PRKG1: variants seen among roughly 807,000 people sequenced by gnomAD.
The protein encoded by PRKG1 is protein kinase cGMP-dependent 1.
PRKG1 carries 35 observed loss-of-function variants against 88.1 expected under a neutral mutation model. That is an observed-to-expected ratio of 0.40 (90% confidence interval 0.30 to 0.53). PRKG1 has a LOEUF of 0.53. PRKG1 is among the 20% of genes least tolerant of loss of function. The pLI is 0.59. For synonymous variants in PRKG1, 303 were observed against 292.5 expected, an observed-to-expected ratio of 1.04 and a Z score of -0.37; for missense variants, 540 against 839.8, an observed-to-expected ratio of 0.64 and a Z score of 4.41.
At chr10:51,997,072 T>C (rs1226787657) in intron 5 of PRKG1, among the ~76,000 whole-genome samples, 1 of 75,560 alleles carries the variant, frequency 1.3e-5, no homozygotes, top group Non-Finnish European at 2.5e-5. Flanking sequence ...AGAGTTGATC[T>C]CATGAAAATA....
intron 5 of PRKG1, among the ~76,000 whole-genome samples, chr10:51,917,938 T>C (rs1173787005): frequency 2.6e-5 from 4 of 152,212 alleles, no homozygotes; most frequent in African/African-American, 9.6e-5. Context: ...ACTTGAGATA[T>C]AAATTCCTTA....
chr10:51,920,350 C>T (rs533979440), intron 5 of PRKG1, among the ~76,000 whole-genome samples: 9 of 152,146 alleles, frequency 5.9e-5, no homozygotes, highest in East Asian at 3.9e-4. Context: ...TATAAGGCCC[C>T]GGGGAGAGAG....
intron 3 of PRKG1, among the ~76,000 whole-genome samples, chr10:51,600,208 C>T (rs142173469): frequency 2.0e-5 from 3 of 152,080 alleles, no homozygotes; most frequent in Non-Finnish European, 2.9e-5. Context: ...AGTATTTATA[C>T]CTCTGCCTTA....
intron 4 of PRKG1, among the ~76,000 whole-genome samples, chr10:51,833,053 A>G (rs1840042295): frequency 1.3e-5 from 2 of 152,142 alleles, no homozygotes; most frequent in South Asian, 4.1e-4. Flanking sequence ...GCCCTTTTCT[A>G]CTTAAATGAT....
chr10:51,115,982 C>T (rs1845114099), intron 1 of PRKG1, among the ~76,000 whole-genome samples: 2 of 152,090 alleles, frequency 1.3e-5, no homozygotes, highest in South Asian at 2.1e-4. Context: ...AGACCGAGTA[C>T]ATGTATAGGC....
chr10:51,165,673 T>C (rs2131997246), intron 2 of PRKG1, among the ~76,000 whole-genome samples: 1 of 152,154 alleles, frequency 6.6e-6, no homozygotes, highest in African/African-American at 2.4e-5. Context: ...GTGACACACA[T>C]AGGCTCAAAA....
intron 4 of PRKG1, among the ~76,000 whole-genome samples, chr10:51,837,764 T>C (rs1329949063): frequency 1.3e-5 from 2 of 152,212 alleles, no homozygotes; most frequent in Non-Finnish European, 1.5e-5. Flanking sequence ...AGACTGTATC[T>C]TTTGTCTCCA....
At chr10:51,252,374 C>T (rs1049626545) in intron 2 of PRKG1, among the ~76,000 whole-genome samples, 5 of 151,542 alleles carry the variant, frequency 3.3e-5, no homozygotes, top group Admixed American at 2.6e-4. Context: ...TATTTTTAAG[C>T]CCAAATATAA....
chr10:51,318,050 T>A (rs1288139382), intron 2 of PRKG1, among the ~76,000 whole-genome samples: 1 of 152,172 alleles, frequency 6.6e-6, no homozygotes, highest in Non-Finnish European at 1.5e-5. Flanking sequence ...GCTTATTTGA[T>A]CCAATAATTG....
chr10:52,081,484 GC>G (rs1282886483), intron 7 of PRKG1: 1 of 428,508 alleles, frequency 2.3e-6, no homozygotes, highest in Non-Finnish European at 4.7e-6. Context: ...ACACCACCTA[GC>G]TAAAAAGTCA....
At chr10:52,129,175 C>G (rs760432066) in intron 7 of PRKG1, among the ~76,000 whole-genome samples, 8 of 152,134 alleles carry the variant, frequency 5.3e-5, no homozygotes, top group Non-Finnish European at 1.5e-5. Context: ...GTGAAATGCC[C>G]GCTAACTTGG....
chr10:51,343,893 C>A (rs1342329626), intron 2 of PRKG1, among the ~76,000 whole-genome samples: 1 of 152,136 alleles, frequency 6.6e-6, no homozygotes, highest in African/African-American at 2.4e-5. Context: ...CAGTACCTAG[C>A]AGCTCAATGG....
chr10:51,089,029 A>G (rs1404241505), intron 1 of PRKG1, among the ~76,000 whole-genome samples: 1 of 152,058 alleles, frequency 6.6e-6, no homozygotes, highest in East Asian at 1.9e-4. Flanking sequence ...CTATCACTCC[A>G]TACTCTCTTC....
At chr10:51,506,384 G>A (rs1564526884) in intron 3 of PRKG1, among the ~76,000 whole-genome samples, 1 of 152,082 alleles carries the variant, frequency 6.6e-6, no homozygotes, top group South Asian at 2.1e-4. Flanking sequence ...CAGAATGGGA[G>A]AAAATTTTTG....
intron 3 of PRKG1, among the ~76,000 whole-genome samples, chr10:51,717,740 G>T (rs530339810): frequency 1.3e-5 from 2 of 151,944 alleles, no homozygotes; most frequent in South Asian, 4.1e-4. Flanking sequence ...GCTGAGGCTG[G>T]AGAATGGCGT....
intron 7 of PRKG1, among the ~76,000 whole-genome samples, chr10:52,100,795 C>T (rs1847276813): frequency 6.6e-6 from 1 of 152,088 alleles, no homozygotes; most frequent in Non-Finnish European, 1.5e-5. Flanking sequence ...TTTTTCCAAC[C>T]TCTTATTTAT....
chr10:51,040,429 C>G (rs1008902745), intron 1 of PRKG1, among the ~76,000 whole-genome samples: 24 of 134,342 alleles, frequency 1.8e-4, no homozygotes, highest in Non-Finnish European at 3.7e-4. Context: ...AGCAATTATT[C>G]TGCCTCAGCC....
At chr10:51,689,051 A>G (rs560303842) in intron 3 of PRKG1, among the ~76,000 whole-genome samples, 179 of 152,268 alleles carry the variant, frequency 1.2e-3, no homozygotes, top group South Asian at 4.4e-3. Flanking sequence ...ACTGCCATCC[A>G]TATAAGACAT....
At chr10:51,181,380 T>C (rs1045455021) in intron 2 of PRKG1, among the ~76,000 whole-genome samples, 3 of 150,480 alleles carry the variant, frequency 2.0e-5, no homozygotes, top group Non-Finnish European at 3.0e-5. Flanking sequence ...TAGCTGGGAC[T>C]ACAGGCGCCC....
Sources: gnomAD v4.1 joint callset for allele counts (sites outside exome capture counted in the v4.1 genomes callset) on GRCh38, gnomAD v4.1.1 for gene constraint, MANE v1.5 for transcripts, NCBI Gene and HGNC (gene_info 2026-07-23, HGNC 2026-07-21) for gene names.